Variants in POU6F2 observed in about 807,000 individuals in gnomAD.
The protein encoded by POU6F2 is POU domain, class 6, transcription factor 2.
Under a neutral mutation model 71.3 loss-of-function variants are expected in POU6F2, and 31 were observed. The observed-to-expected ratio is 0.43, with a 90% CI of 0.33 to 0.59. The LOEUF (loss-of-function observed/expected upper bound fraction) is 0.59, where lower values mean the gene tolerates loss of function less well. POU6F2 is among the 20% of genes least tolerant of loss of function. The probability of loss-of-function intolerance (pLI) is 0.04; values close to 1 mark genes in which losing one functional copy is unlikely to be tolerated. For synonymous variants in POU6F2, 347 were observed against 355.7 expected, an observed-to-expected ratio of 0.98 and a Z score of 0.27; for missense variants, 783 against 856.8, an observed-to-expected ratio of 0.91 and a Z score of 1.07.
In POU6F2 at chr7:39,030,743, G is replaced by A. The variant is rs191424637; in HGVS notation, c.105+52685G>A. On this transcript the variant is annotated intron_variant, in intron 1 of 9. Coordinates refer to ENST00000518318, the MANE Select transcript of POU6F2 (RefSeq NM_001370959.1). The stretch of plus-strand genomic sequence containing the variant: ...GGAGTGTGACTGCTGGATCATATGA[G>A]AAGATTATGCTTAATTTTTAAAGAA... 4.9e-3 allele frequency among the ~76,000 whole-genome samples: 736 copies of A among 151,010 alleles called. 4 individuals carry two copies. The highest frequency in any genetic ancestry group is 8.0e-3 in the Non-Finnish European group (544 of 67,758).
chr7:39,087,155 A>T (rs75134269), intron 2 of POU6F2, among the ~76,000 whole-genome samples: 3,117 of 52,234 alleles, frequency 0.06, 47 homozygotes, highest in Admixed American at 0.11. Flanking sequence ...TTAATTAATT[A>T]ATTAATTTAT....
chr7:39,360,588 G>A (rs1006172238), intron 5 of POU6F2, among the ~76,000 whole-genome samples: 9 of 152,280 alleles, frequency 5.9e-5, no homozygotes, highest in Non-Finnish European at 1.2e-4. Context: ...CCAAGAGAGG[G>A]GTTCTTGGAT....
intron 4 of POU6F2, among the ~76,000 whole-genome samples, chr7:39,230,854 G>GT (rs1794559601): frequency 6.6e-6 from 1 of 152,122 alleles, no homozygotes; most frequent in African/African-American, 2.4e-5. Context: ...CCCCCCCAAT[G>GT]CATCCCAAAT....
intron 2 of POU6F2, among the ~76,000 whole-genome samples, chr7:39,182,967 C>T (rs765183984): frequency 6.6e-6 from 1 of 152,176 alleles, no homozygotes; most frequent in Non-Finnish European, 1.5e-5. Flanking sequence ...CAACAATTGA[C>T]ATATCCTTTA....
At position 39,056,991 on chromosome 7, in the gene POU6F2, G is replaced by A. The variant is rs188691134; in HGVS notation, c.106-28869G>A. 7.2e-5 allele frequency among the ~76,000 whole-genome samples: 11 copies of A among 152,162 alleles called. No individual in the cohort carries two copies. The East Asian group carries it at 2.1e-3, about 29-fold the overall frequency. Reference sequence around the variant, plus strand: ...AATATTCATTTCTCTATGAGCTGCTGCCCTCAGTTCCATTGTTAAAAAATA... The same window carrying A: ...AATATTCATTTCTCTATGAGCTGCTACCCTCAGTTCCATTGTTAAAAAATA... On this transcript the variant is annotated intron_variant, in intron 1 of 9. Coordinates refer to ENST00000518318, the MANE Select transcript of POU6F2 (RefSeq NM_001370959.1).
intron 4 of POU6F2, among the ~76,000 whole-genome samples, chr7:39,254,237 G>A (rs1783976146): frequency 6.6e-6 from 1 of 152,198 alleles, no homozygotes; most frequent in East Asian, 1.9e-4. Context: ...GCCAATGACA[G>A]TGAGATTTGC....
At chr7:39,121,084 T>A (rs1386384193) in intron 2 of POU6F2, among the ~76,000 whole-genome samples, 1 of 152,208 alleles carries the variant, frequency 6.6e-6, no homozygotes, top group Non-Finnish European at 1.5e-5. Context: ...ATTTTAGTTC[T>A]ATATAACAGA....
rs530051151 is a variant in POU6F2 at position 38,997,547 on chromosome 7, G to T, written c.105+19489G>T. On this transcript the variant is annotated intron_variant, in intron 1 of 9. Coordinates refer to ENST00000518318, the MANE Select transcript of POU6F2 (RefSeq NM_001370959.1). ...GCATCCACATTCTGTTTTCTTTTAG[G>T]GGTATTATAAGCCTGTGTTCTATTT... 5.9e-5 allele frequency among the ~76,000 whole-genome samples: 9 copies of T among 152,166 alleles called. No homozygotes were observed. In the South Asian group the frequency reaches 1.7e-3, roughly 28 times the overall value.
At chr7:39,208,118 T>G (rs1379425927) in intron 4 of POU6F2, among the ~76,000 whole-genome samples, 1 of 152,222 alleles carries the variant, frequency 6.6e-6, no homozygotes, top group Non-Finnish European at 1.5e-5. Context: ...AAACAAAAAT[T>G]GTGTTATTTG....
intron 4 of POU6F2, among the ~76,000 whole-genome samples, chr7:39,215,869 GGT>G (rs1468623685): frequency 6.6e-6 from 1 of 152,242 alleles, no homozygotes; most frequent in Non-Finnish European, 1.5e-5. Context: ...CCAACAGGAA[GGT>G]GTGTTTCTTT....
chr7:39,424,224 A>G (rs1452625729), intron 6 of POU6F2, among the ~76,000 whole-genome samples: 1 of 152,166 alleles, frequency 6.6e-6, no homozygotes, highest in African/African-American at 2.4e-5. Flanking sequence ...TGAGGTTTCA[A>G]CATGTGAAGT....
chr7:39,432,558 A>T (rs982957933), intron 6 of POU6F2, among the ~76,000 whole-genome samples: 43 of 152,108 alleles, frequency 2.8e-4, no homozygotes, highest in African/African-American at 9.2e-4. Flanking sequence ...TGAGGCCCCT[A>T]ATCCTGCTGG....
intron 2 of POU6F2, among the ~76,000 whole-genome samples, chr7:39,188,264 C>G (rs986439257): frequency 6.6e-5 from 10 of 152,038 alleles, no homozygotes; most frequent in Non-Finnish European, 1.3e-4. Context: ...GCATGTGAAG[C>G]AAAAAGGAAA....
At chr7:39,231,056 C>T (rs752997370) in intron 4 of POU6F2, among the ~76,000 whole-genome samples, 16 of 152,164 alleles carry the variant, frequency 1.1e-4, no homozygotes, top group Non-Finnish European at 1.8e-4. Context: ...AGCTAAATAC[C>T]CTGTGAGGCA....
intron 6 of POU6F2, among the ~76,000 whole-genome samples, chr7:39,419,579 A>G (rs1334620037): frequency 6.6e-6 from 1 of 152,050 alleles, no homozygotes; most frequent in Non-Finnish European, 1.5e-5. Flanking sequence ...TTTTATGTGG[A>G]TATGCTTTTA....
In POU6F2 at chr7:39,071,252, C is replaced by T. The variant is rs564787619; in HGVS notation, c.106-14608C>T. Among the ~76,000 whole-genome samples, 5 of 152,086 alleles carry T rather than the reference C, an allele frequency of 3.3e-5. No individual in the cohort carries two copies. In the East Asian group the frequency reaches 5.8e-4, roughly 18 times the overall value. On this transcript the variant is annotated intron_variant, in intron 1 of 9. Transcript: ENST00000518318. Reference sequence around the variant, plus strand: ...CACAAGGAATGGGCTACCGAGATCCCTCACACATGCAGTTCAAATAGGGTT... The same window carrying T: ...CACAAGGAATGGGCTACCGAGATCCTTCACACATGCAGTTCAAATAGGGTT...
At chr7:39,084,683 A>T (rs564393007) in intron 1 of POU6F2, among the ~76,000 whole-genome samples, 1 of 152,144 alleles carries the variant, frequency 6.6e-6, no homozygotes, top group Non-Finnish European at 1.5e-5. Context: ...CATGTGTCAT[A>T]TCAAATTCAC....
At position 39,207,548 on chromosome 7, in the gene POU6F2, A is replaced by G; in HGVS notation, c.526A>G (p.Thr176Ala). The change falls in exon 4 of 10, where the codon ACC becomes GCC. Residue 176 changes from threonine to alanine, a missense_variant. This residue lies in a region of POU6F2 where 572 missense variants were observed against 572.9 expected (regional missense o/e 1.00). Transcript: ENST00000518318. ...TCTCACACTGCCAACAGCGAATCTC[A>G]CCAACATCCAAGGGCTGGTGGCAGC... ...LVLTLPTANL[T>A]NIQGLVAAAA... is the part of the protein sequence containing the mutation. 6.2e-7 allele frequency: 1 copy of G among 1,612,076 alleles called. No individual in the cohort carries two copies. Among genetic ancestry groups the G allele is most frequent in the African/African-American group, 1.3e-5 (1 of 75,024 alleles).
intron 5 of POU6F2, among the ~76,000 whole-genome samples, chr7:39,344,712 T>C (rs905969344): frequency 6.6e-6 from 1 of 152,234 alleles, no homozygotes; most frequent in African/African-American, 2.4e-5. Context: ...TCTGTGGGAC[T>C]AGGTTTGTTT....
Sources: allele counts gnomAD v4.1 joint callset (sites outside exome capture counted in the v4.1 genomes callset), GRCh38; gene constraint gnomAD v4.1.1; regional missense constraint gnomAD v4.1.1; transcripts MANE v1.5; gene names NCBI Gene and HGNC (gene_info 2026-07-23, HGNC 2026-07-21).